PCBP3: variants seen among roughly 807,000 people sequenced by gnomAD.
PCBP3 encodes poly(rC)-binding protein 3.
A neutral mutation model predicts 52.7 loss-of-function variants in PCBP3; 25 were observed. That is an observed-to-expected ratio of 0.47 (90% CI 0.35 to 0.66). The LOEUF (loss-of-function observed/expected upper bound fraction) is 0.66. PCBP3 is among the 30% of genes least tolerant of loss of function. The pLI is 0.01. For missense variants in PCBP3, 391 were observed against 490.3 expected (o/e 0.80, Z 1.91); for synonymous variants, 162 against 183.0 (o/e 0.89, Z 0.93).
rs1035922521 is a variant in PCBP3, at chr21:45,664,803, T to C, written c.-278-4071T>C. 4.6e-5 allele frequency among the ~76,000 whole-genome samples: 6 copies of C among 130,518 alleles called. 1 individual carries two copies. Among genetic ancestry groups the C allele is most frequent in the Admixed American group, 4.3e-4 (5 of 11,670 alleles). 85.6% of individuals were successfully genotyped at this position (130,518 alleles called of 152,430 possible). On this transcript the variant is annotated intron_variant, in intron 1 of 17. Coordinates refer to ENST00000681687, the MANE Select transcript of PCBP3 (RefSeq NM_001384156.1). ...CCACCACAGTCCCCAGAGTGTGATA[T>C]TCCCTTTCCTGTGTCCATGTGATCT...
chr21:45,720,092 C>G (rs895979915), intron 2 of PCBP3, among the ~76,000 whole-genome samples: 3 of 152,138 alleles, frequency 2.0e-5, no homozygotes, highest in African/African-American at 4.8e-5. Context: ...ATATTATACT[C>G]GAGTTCTGGG....
At chr21:45,865,621 C>T (rs1450749139) in intron 5 of PCBP3, among the ~76,000 whole-genome samples, 1 of 152,178 alleles carries the variant, frequency 6.6e-6, no homozygotes, top group African/African-American at 2.4e-5. Context: ...TGGCCTCATT[C>T]CTCTGGGTCC....
rs992258543 is a variant in PCBP3, at chr21:45,788,146, T to A, written c.-126+32694T>A. 2.0e-5 allele frequency among the ~76,000 whole-genome samples: 3 copies of A among 152,114 alleles called. No individual in the cohort carries two copies. Among genetic ancestry groups the A allele is most frequent in the African/African-American group, 7.2e-5 (3 of 41,412 alleles). On this transcript the variant is annotated intron_variant, in intron 4 of 17. Transcript: ENST00000681687. The surrounding 1 kb of genome is among the most constrained non-coding windows in gnomAD (Gnocchi z 4.3). Reference sequence around the variant, plus strand: ...GTCTGACCATTTCTGGAGGATGCAGTACTGAATTCAAGTAACAAGGTGTCC... The same window carrying A: ...GTCTGACCATTTCTGGAGGATGCAGAACTGAATTCAAGTAACAAGGTGTCC...
intron 5 of PCBP3, chr21:45,858,986 C>T (rs1031001828): frequency 7.2e-5 from 11 of 152,672 alleles, no homozygotes; most frequent in Non-Finnish European, 1.2e-4. Context: ...TGTGAGGCCT[C>T]CCCAGCCATG....
At chr21:45,742,735 G>A (rs1045832679) in intron 3 of PCBP3, among the ~76,000 whole-genome samples, 1 of 152,048 alleles carries the variant, frequency 6.6e-6, no homozygotes, top group African/African-American at 2.4e-5. Flanking sequence ...TTATGTATGT[G>A]TACCACATAT....
chr21:45,672,650 T>G (rs1260102209), intron 2 of PCBP3, among the ~76,000 whole-genome samples: 1 of 152,176 alleles, frequency 6.6e-6, no homozygotes, highest in Non-Finnish European at 1.5e-5. Flanking sequence ...CAGGGTATCT[T>G]GAGGCTTAAC....
In PCBP3 at chr21:45,656,990, T is replaced by A. The variant is rs2080063253; in HGVS notation, c.-278-11884T>A. On this transcript the variant is annotated intron_variant, in intron 1 of 17. Coordinates refer to ENST00000681687, the MANE Select transcript of PCBP3 (RefSeq NM_001384156.1). The surrounding 1 kb of genome is among the most constrained non-coding windows in gnomAD (Gnocchi z 4.3). ...GTGCCCGCCACTGCGCCTGGCTAAT[T>A]TTTTGTATTTTTAGTAGAGACAGGG... Among the ~76,000 whole-genome samples, 1 of 152,022 alleles carries A rather than the reference T, an allele frequency of 6.6e-6. No homozygotes were observed. The highest frequency in any genetic ancestry group is 2.1e-4 in the South Asian group (1 of 4,814).
chr21:45,740,611 T>G (rs2086356871), intron 3 of PCBP3, among the ~76,000 whole-genome samples: 1 of 125,970 alleles, frequency 7.9e-6, no homozygotes, highest in African/African-American at 3.1e-5. Context: ...AGTGTGTGTG[T>G]GGTGTGTGTA....
At chr21:45,658,752 C>T (rs2080186056) in intron 1 of PCBP3, among the ~76,000 whole-genome samples, 1 of 152,124 alleles carries the variant, frequency 6.6e-6, no homozygotes, top group Non-Finnish European at 1.5e-5. Context: ...GATTGGTGTT[C>T]ATTCTTTAAA....
At chr21:45,799,121 A>G (rs1204733212) in intron 4 of PCBP3, among the ~76,000 whole-genome samples, 3 of 152,256 alleles carry the variant, frequency 2.0e-5, no homozygotes, top group Non-Finnish European at 4.4e-5. Flanking sequence ...ACATGGTTGA[A>G]TGCGTGGATC....
In PCBP3 at chr21:45,942,204, C is replaced by T. The variant is rs114577716; in HGVS notation, c.*498C>T. 0.016 allele frequency: 2,464 copies of T among 152,826 alleles called. 75 individuals carry two copies. Among genetic ancestry groups the T allele is most frequent in the African/African-American group, 0.056 (2,308 of 41,564 alleles). The allele number at this position is 152,826 out of a possible 1,614,324, so 9.5% of individuals were successfully genotyped here. ...TCTGCCCCAGGTTGTGTGCTGGAAT[C>T]GGGGGGTGGCTCTCCTGCCACCCAT... On this transcript the variant is annotated 3_prime_UTR_variant, in exon 18 of 18. Transcript: ENST00000681687.
chr21:45,895,237 A>C (rs901139673), intron 5 of PCBP3, among the ~76,000 whole-genome samples: 10 of 152,186 alleles, frequency 6.6e-5, no homozygotes. Context: ...TTTTATTGAG[A>C]AAAAAGCCCT....
chr21:45,903,618 T>C (rs1056903388), intron 9 of PCBP3, among the ~76,000 whole-genome samples: 1 of 151,980 alleles, frequency 6.6e-6, no homozygotes, highest in Non-Finnish European at 1.5e-5. Flanking sequence ...ATAACAATTA[T>C]CATAAAGTGA....
At position 45,675,570 on chromosome 21, in the gene PCBP3, G is replaced by A. The variant is rs752646207; in HGVS notation, c.-200+6618G>A. On this transcript the variant is annotated intron_variant, in intron 2 of 17. Coordinates refer to ENST00000681687, the MANE Select transcript of PCBP3 (RefSeq NM_001384156.1). ...ACTCCTGGTTGGCTCAGGGCTGGGA[G>A]CACTAGGCGTATTGCAGTGCCAGTG... Among the ~76,000 whole-genome samples the A allele has an allele frequency of 7.9e-5, 12 of 152,326 alleles. No homozygotes were observed. In the East Asian group the frequency reaches 1.5e-3, roughly 20 times the overall value.
chr21:45,732,396 A>G (rs960534943), intron 2 of PCBP3, among the ~76,000 whole-genome samples: 10 of 152,094 alleles, frequency 6.6e-5, no homozygotes, highest in Non-Finnish European at 1.2e-4. Flanking sequence ...ATCATCTCAC[A>G]TAGGTACCCA....
At chr21:45,868,024 G>A (rs1445472126) in intron 5 of PCBP3, among the ~76,000 whole-genome samples, 1 of 152,278 alleles carries the variant, frequency 6.6e-6, no homozygotes, top group East Asian at 1.9e-4. Context: ...GGCAGCCAGG[G>A]GGTCTGGCAC....
At chr21:45,869,344 T>C (rs1011060933) in intron 5 of PCBP3, 1 of 152,306 alleles carries the variant, frequency 6.6e-6, no homozygotes, top group African/African-American at 2.4e-5. Flanking sequence ...TTGTGGCCTT[T>C]GCTTCCCCCC....
At chr21:45,707,727 A>G (rs1456451281) in intron 2 of PCBP3, among the ~76,000 whole-genome samples, 3 of 152,186 alleles carry the variant, frequency 2.0e-5, no homozygotes, top group Non-Finnish European at 4.4e-5. Context: ...GGAGCATAAT[A>G]TCCAAATAGT....
chr21:45,703,633 AT>A (rs1255356695), intron 2 of PCBP3, among the ~76,000 whole-genome samples: 12 of 152,178 alleles, frequency 7.9e-5, no homozygotes, highest in Non-Finnish European at 1.5e-4. Flanking sequence ...GAGCAATGAC[AT>A]GAATAGACTT....
Sources: allele counts gnomAD v4.1 joint callset (sites outside exome capture counted in the v4.1 genomes callset), GRCh38; gene constraint gnomAD v4.1.1; non-coding constraint Gnocchi (gnomAD v3.1); transcripts MANE v1.5; gene names NCBI Gene and HGNC (gene_info 2026-07-23, HGNC 2026-07-21).